RPL23: variants seen among roughly 807,000 people sequenced by gnomAD.
The protein encoded by RPL23 is large ribosomal subunit protein uL14.
For missense variants in RPL23, 79 were observed against 178.8 expected, an observed-to-expected ratio of 0.44 and a Z score of 3.18; for synonymous variants, 63 against 65.3, an observed-to-expected ratio of 0.97 and a Z score of 0.17.
rs1188324252 is a variant in RPL23 at position 38,849,277 on chromosome 17, C to T, written c.*855G>A. The T allele has an allele frequency of 6.6e-6, 1 of 150,918 alleles. No homozygotes were observed. 9.3% of individuals were successfully genotyped at this position (150,918 alleles called of 1,614,324 possible). On this transcript the variant is annotated 3_prime_UTR_variant, in exon 5 of 5. Coordinates refer to ENST00000479035, the MANE Select transcript of RPL23 (RefSeq NM_000978.4). ...TAAAATGTACATACATAAACAAACT[C>T]ACATCATTCCTCAAAATCCATGTGT...
At chr17:38,853,659 C>G in intron 1 of RPL23, 39 bp downstream of exon 1, 1 of 1,613,808 alleles carries the variant, frequency 6.2e-7, no homozygotes. Flanking sequence ...AGCCACTGCA[C>G]GACAGATGGT....
At position 38,850,055 on chromosome 17, in the gene RPL23, G is replaced by C. The variant is rs1255578014; in HGVS notation, c.*77C>G. 1 of 1,097,982 alleles carries C rather than the reference G, an allele frequency of 9.1e-7. No individual in the cohort carries two copies. Among genetic ancestry groups the C allele is most frequent in the Non-Finnish European group, 1.3e-6 (1 of 760,564 alleles). 68.0% of individuals were successfully genotyped at this position (1,097,982 alleles called of 1,614,324 possible). A position where few individuals can be genotyped will look rare whatever the true frequency, so the allele number is the denominator to read the frequency against. On this transcript the variant is annotated 3_prime_UTR_variant, in exon 5 of 5. Transcript: ENST00000479035. The stretch of plus-strand genomic sequence containing the variant: ...ATCGCTTGAACCCTGGAAGTGAACA[G>C]GGAGACAAGCACTGCAAACAAATAC...
intron 1 of RPL23, 154 bp downstream of exon 1, chr17:38,853,544 G>A: frequency 1.1e-6 from 1 of 886,202 alleles, no homozygotes; most frequent in African/African-American, 1.7e-5. Context: ...TGCCACTTTC[G>A]AGGGCCCTGG....
intron 3 of RPL23, 107 bp downstream of exon 3, chr17:38,852,497 C>T: frequency 7.0e-7 from 1 of 1,424,360 alleles, no homozygotes; most frequent in South Asian, 1.3e-5. Context: ...CACACTGCCT[C>T]TCAATGGAAA....
chr17:38,851,314 G>A (rs1416237504), intron 3 of RPL23: 2 of 152,152 alleles, frequency 1.3e-5, no homozygotes, highest in African/African-American at 4.8e-5. Context: ...AATACTTACT[G>A]ACTGACCCTC....
rs751115021 is a variant in RPL23, at chr17:38,848,263, A to C, written c.*1869T>G. On this transcript the variant is annotated 3_prime_UTR_variant, in exon 5 of 5. Transcript: ENST00000479035. ...TAATACATTTTTTTTCTTTCCCCCC[A>C]GAGTTTCACTGGTTGCCCAGGCTGG... is the stretch of plus-strand genomic sequence containing the variant. 74 of 518,126 alleles carry C rather than the reference A, an allele frequency of 1.4e-4. No homozygotes were observed. The highest frequency in any genetic ancestry group is 3.6e-4 in the African/African-American group (18 of 50,372). The allele number at this position is 518,126 out of a possible 1,614,324, so 32.1% of individuals were successfully genotyped here.
intron 4 of RPL23, 73 bp from the exon 5 acceptor site, chr17:38,850,287 A>T (rs773206444): frequency 5.0e-5 from 78 of 1,550,142 alleles, no homozygotes; most frequent in Non-Finnish European, 6.9e-5. Context: ...CAAACACAGA[A>T]GATCCTTGGC....
intron 2 of RPL23, 23 bp downstream of exon 2, chr17:38,852,999 A>G: frequency 6.2e-7 from 1 of 1,607,810 alleles, no homozygotes; most frequent in Non-Finnish European, 8.5e-7. Context: ...AAGGGGGAGT[A>G]TAGCAACGTG....
intron 3 of RPL23, 138 bp downstream of exon 3, chr17:38,852,466 A>C (rs557383626): frequency 6.8e-5 from 75 of 1,107,320 alleles, no homozygotes; most frequent in Non-Finnish European, 9.4e-5. Flanking sequence ...CAATATGAGC[A>C]AAAACTTAAG....
chr17:38,853,120 G>A lies in RPL23; in HGVS notation c.14-15C>T, dbSNP rs763999661. On this transcript the variant is annotated splice_polypyrimidine_tract_variant and intron_variant, in intron 1 of 4. Coordinates refer to ENST00000479035, the MANE Select transcript of RPL23 (RefSeq NM_000978.4). ...CCCACCACGTCCTGTGGATATAAAG[G>A]GAAGGGAAACAGGATAAAGAGATCA... 6.2e-6 allele frequency: 10 copies of A among 1,603,434 alleles called. No individual in the cohort carries two copies. The African/African-American group carries it at 1.2e-4, about 19-fold the overall frequency.
intron 2 of RPL23, 136 bp downstream of exon 2, chr17:38,852,886 C>T: frequency 7.3e-7 from 1 of 1,361,762 alleles, no homozygotes; most frequent in Middle Eastern, 1.8e-4. Context: ...CCGATTGAAG[C>T]AAACAACACA....
In RPL23 at chr17:38,848,089, C is replaced by A; in HGVS notation, c.*2043G>T. The A allele has an allele frequency of 6.6e-7, 1 of 1,526,176 alleles. No homozygotes were observed. Among genetic ancestry groups the A allele is most frequent in the Non-Finnish European group, 8.8e-7 (1 of 1,137,806 alleles). The allele number at this position is 1,526,176 out of a possible 1,614,324, so 94.5% of individuals were successfully genotyped here. On this transcript the variant is annotated 3_prime_UTR_variant, in exon 5 of 5. Coordinates refer to ENST00000479035, the MANE Select transcript of RPL23 (RefSeq NM_000978.4). Reference sequence around the variant, plus strand: ...CAGAAAAGATAACATTCAAAAACAGCAGCGATTAGTGGTTAATATATAAGG... The same window carrying A: ...CAGAAAAGATAACATTCAAAAACAGAAGCGATTAGTGGTTAATATATAAGG...
rs367956826 is a variant in RPL23, at chr17:38,853,084, G to T, written c.35C>A (p.Ala12Glu). The change falls in exon 2 of 5, where the codon GCG becomes GAG. Residue 12 changes from alanine to glutamate, a missense_variant. Ala to Glu is a moderately radical substitution (Grantham distance 107). Transcript: ENST00000479035. ...SKRGRGGSSG[A>E]KFRISLGLPV... ...AAGACCCAAGGAAATCCGGAATTTC[G>T]CACCAGAGGACCCACCACGTCCTGT... 2.5e-6 allele frequency: 4 copies of T among 1,613,970 alleles called. No individual in the cohort carries two copies. The highest frequency in any genetic ancestry group is 2.2e-5 in the East Asian group (1 of 44,880).
At position 38,853,061 on chromosome 17, in the gene RPL23, G is replaced by T. The variant is rs780663707; in HGVS notation, c.58C>A (p.Leu20Ile). 6.2e-7 allele frequency: 1 copy of T among 1,614,164 alleles called. No homozygotes were observed. The change falls in exon 2 of 5, where the codon CTT becomes ATT. Residue 20 changes from leucine to isoleucine, a missense_variant. Transcript: ENST00000479035. ...CAATTGATTACAGCTCCTACCGGAA[G>T]ACCCAAGGAAATCCGGAATTTCGCA... is the stretch of plus-strand genomic sequence containing the variant. ...SGAKFRISLG[L>I]PVGAVINCAD... is the part of the protein sequence containing the mutation.
At position 38,848,278 on chromosome 17, in the gene RPL23, GC is replaced by G; in HGVS notation, c.*1853del. On this transcript the variant is annotated 3_prime_UTR_variant, in exon 5 of 5. Transcript: ENST00000479035. ...CTTTCCCCCCAGAGTTTCACTGGTTGCCCAGGCTGGAGCACAATCGTGCGAC... is the reference window on the plus strand; with the variant it reads ...CTTTCCCCCCAGAGTTTCACTGGTTGCCAGGCTGGAGCACAATCGTGCGAC... 2 of 432,456 alleles carry G rather than the reference GC, an allele frequency of 4.6e-6. No homozygotes were observed. The highest frequency in any genetic ancestry group is 5.9e-5 in the South Asian group (1 of 16,824). The allele number at this position is 432,456 out of a possible 1,614,324, so 26.8% of individuals were successfully genotyped here. A position where few individuals can be genotyped will look rare whatever the true frequency, so the allele number is the denominator to read the frequency against.
rs558904501 is a variant in RPL23 at position 38,848,093 on chromosome 17, G to T, written c.*2039C>A. The T allele has an allele frequency of 2.6e-6, 4 of 1,522,712 alleles. No individual in the cohort carries two copies. The highest frequency in any genetic ancestry group is 3.5e-6 in the Non-Finnish European group (4 of 1,136,180). 94.3% of individuals were successfully genotyped at this position (1,522,712 alleles called of 1,614,324 possible). On this transcript the variant is annotated 3_prime_UTR_variant, in exon 5 of 5. Coordinates refer to ENST00000479035, the MANE Select transcript of RPL23 (RefSeq NM_000978.4). The stretch of plus-strand genomic sequence containing the variant: ...AAAGATAACATTCAAAAACAGCAGC[G>T]ATTAGTGGTTAATATATAAGGATCA...
rs1325771425 is a variant in RPL23, at chr17:38,850,018, T to C, written c.*114A>G. 22 of 727,780 alleles carry C rather than the reference T, an allele frequency of 3.0e-5. No individual in the cohort carries two copies. The East Asian group carries it at 6.5e-4, about 21-fold the overall frequency. The allele number at this position is 727,780 out of a possible 1,614,324, so 45.1% of individuals were successfully genotyped here. ...CTGTAATCCCAGCTACTTAGGAGGCTGAGGCAGGAGAATCGCTTGAACCCT... is the reference window on the plus strand; with the variant it reads ...CTGTAATCCCAGCTACTTAGGAGGCCGAGGCAGGAGAATCGCTTGAACCCT... On this transcript the variant is annotated 3_prime_UTR_variant, in exon 5 of 5. Coordinates refer to ENST00000479035, the MANE Select transcript of RPL23 (RefSeq NM_000978.4).
rs1912922209 is a variant in RPL23, at chr17:38,848,744, A to G, written c.*1388T>C. The G allele has an allele frequency of 6.6e-6, 1 of 152,116 alleles. No homozygotes were observed. The highest frequency in any genetic ancestry group is 6.6e-5 in the Admixed American group (1 of 15,254). The allele number at this position is 152,116 out of a possible 1,614,324, so 9.4% of individuals were successfully genotyped here. A position where few individuals can be genotyped will look rare whatever the true frequency, so the allele number is the denominator to read the frequency against. ...CTCCTCTCTAGGTCTGGTACATTCC[A>G]TAACTAGTCATGGAAGACACTAAGG... On this transcript the variant is annotated 3_prime_UTR_variant, in exon 5 of 5. Transcript: ENST00000479035.
chr17:38,848,050 G>C lies in RPL23; in HGVS notation c.*2082C>G. 6.5e-7 allele frequency: 1 copy of C among 1,541,534 alleles called. No individual in the cohort carries two copies. Among genetic ancestry groups the C allele is most frequent in the Non-Finnish European group, 8.7e-7 (1 of 1,144,292 alleles). On this transcript the variant is annotated 3_prime_UTR_variant, in exon 5 of 5. Coordinates refer to ENST00000479035, the MANE Select transcript of RPL23 (RefSeq NM_000978.4). The stretch of plus-strand genomic sequence containing the variant: ...TTACTGCACTCCAGCCTGTGTGACA[G>C]AGCAAGACTGCCTCAGAAAAGATAA...
Sources: allele counts gnomAD v4.1 joint callset, GRCh38; gene constraint gnomAD v4.1.1; transcripts MANE v1.5; gene names NCBI Gene and HGNC (gene_info 2026-07-23, HGNC 2026-07-21).